The following ASAP1 variants were observed in gnomAD, a reference collection of about 807,000 sequenced individuals.
ASAP1 encodes arf-GAP with SH3 domain, ANK repeat and PH domain-containing protein 1.
Under a neutral mutation model 145.2 loss-of-function variants are expected in ASAP1, and 43 were observed. That is an observed-to-expected ratio of 0.30 (90% CI 0.23 to 0.38). ASAP1 has a LOEUF of 0.38. Ranked by LOEUF, ASAP1 falls within the 10% of genes least tolerant of loss-of-function variation. The pLI, the probability that ASAP1 is intolerant of heterozygous loss-of-function variation, is 1.00. For synonymous variants in ASAP1, 546 were observed against 515.5 expected (o/e 1.06, Z -0.80); for missense variants, 1,018 against 1,355.3 (o/e 0.75, Z 3.91).
intron 7 of ASAP1, among the ~76,000 whole-genome samples, chr8:130,182,293 A>C (rs1270280374): frequency 6.6e-6 from 1 of 152,220 alleles, no homozygotes; most frequent in African/African-American, 2.4e-5. Flanking sequence ...AGAACAGATA[A>C]TCTCCCAAAG....
At chr8:130,173,794 C>T (rs927459943) in intron 9 of ASAP1, among the ~76,000 whole-genome samples, 4 of 150,510 alleles carry the variant, frequency 2.7e-5, no homozygotes, top group African/African-American at 7.3e-5. Flanking sequence ...ATAAAAAGGC[C>T]GGGTGTGGTG....
intron 28 of ASAP1, among the ~76,000 whole-genome samples, chr8:130,059,659 T>C (rs570802456): frequency 2.4e-4 from 36 of 152,316 alleles, no homozygotes; most frequent in African/African-American, 8.4e-4. Flanking sequence ...CTTCTGGATA[T>C]AGAGTAGGAA....
At chr8:130,438,258 G>A (rs1431675951) in intron 1 of ASAP1, among the ~76,000 whole-genome samples, 1 of 152,196 alleles carries the variant, frequency 6.6e-6, no homozygotes, top group African/African-American at 2.4e-5. Context: ...TGGCTACACA[G>A]CACATCATGG....
intron 26 of ASAP1, among the ~76,000 whole-genome samples, chr8:130,079,424 A>G (rs1378618644): frequency 6.8e-6 from 1 of 147,592 alleles, no homozygotes; most frequent in Non-Finnish European, 1.5e-5. Flanking sequence ...AGCCTAGCCT[A>G]AAAAAAAAAA....
At position 130,138,470 on chromosome 8, in the gene ASAP1, C is replaced by T. The variant is rs1229443670; in HGVS notation, c.1081-1432G>A. Among the ~76,000 whole-genome samples, 5 of 152,264 alleles carry T rather than the reference C, an allele frequency of 3.3e-5. No individual in the cohort carries two copies. The East Asian group carries it at 7.7e-4, about 23-fold the overall frequency. ...AGAGGAAACAGTGCTTGGGAAGATTCCTGTACTCCAGAACTTGTCACCAAA... is the reference window on the plus strand; with the variant it reads ...AGAGGAAACAGTGCTTGGGAAGATTTCTGTACTCCAGAACTTGTCACCAAA... On this transcript the variant is annotated intron_variant, in intron 13 of 29. Transcript: ENST00000518721.
intron 15 of ASAP1, among the ~76,000 whole-genome samples, chr8:130,133,409 C>T (rs2097586261): frequency 6.6e-6 from 1 of 151,914 alleles, no homozygotes; most frequent in Non-Finnish European, 1.5e-5. Context: ...GTAATCCCAG[C>T]ACTTTGGGAG....
intron 1 of ASAP1, among the ~76,000 whole-genome samples, chr8:130,437,207 C>T (rs56350423): frequency 0.035 from 5,278 of 152,316 alleles, 125 homozygotes; most frequent in Middle Eastern, 0.082. Context: ...TGACTCAGCC[C>T]CCTTGTTCAG....
chr8:130,178,862 C>A (rs1586528145), intron 9 of ASAP1, among the ~76,000 whole-genome samples: 3 of 151,624 alleles, frequency 2.0e-5, no homozygotes, highest in African/African-American at 7.3e-5. Flanking sequence ...GCACTCCAGC[C>A]AGGCAACAGA....
intron 4 of ASAP1, among the ~76,000 whole-genome samples, chr8:130,216,707 A>G (rs532900771): frequency 6.6e-6 from 1 of 152,260 alleles, no homozygotes; most frequent in East Asian, 1.9e-4. Context: ...TAACTCCTAA[A>G]TTGATATCCC....
chr8:130,258,870 T>C (rs1819726058), intron 3 of ASAP1, among the ~76,000 whole-genome samples: 1 of 152,194 alleles, frequency 6.6e-6, no homozygotes, highest in South Asian at 2.1e-4. Context: ...AAACTGGAAA[T>C]GTCCTTGTTT....
chr8:130,412,621 T>C (rs1829314789), intron 1 of ASAP1, among the ~76,000 whole-genome samples: 2 of 151,974 alleles, frequency 1.3e-5, no homozygotes, highest in African/African-American at 4.8e-5. Flanking sequence ...CTAATACGAG[T>C]CTAGCAGAAT....
chr8:130,416,203 C>T (rs983828288), intron 1 of ASAP1, among the ~76,000 whole-genome samples: 3 of 152,098 alleles, frequency 2.0e-5, no homozygotes, highest in African/African-American at 4.8e-5. Flanking sequence ...GAGGACAAGC[C>T]GCTGATTTCA....
chr8:130,072,368 A>C (rs574071387), intron 27 of ASAP1, among the ~76,000 whole-genome samples: 1 of 152,248 alleles, frequency 6.6e-6, no homozygotes, highest in East Asian at 1.9e-4. Context: ...CATGGTAGTG[A>C]ATAAGTCTCA....
At chr8:130,149,054 C>T (rs2097640134) in intron 13 of ASAP1, among the ~76,000 whole-genome samples, 1 of 144,792 alleles carries the variant, frequency 6.9e-6, no homozygotes, top group South Asian at 2.3e-4. Flanking sequence ...CTCCATGTTG[C>T]CCAGGCTGGT....
intron 3 of ASAP1, among the ~76,000 whole-genome samples, chr8:130,305,929 T>C (rs1822966144): frequency 1.3e-5 from 2 of 152,160 alleles, no homozygotes; most frequent in African/African-American, 4.8e-5. Context: ...AGGTTAGATC[T>C]CCTTACTCCT....
intron 3 of ASAP1, among the ~76,000 whole-genome samples, chr8:130,248,734 C>A (rs1042310820): frequency 1.3e-5 from 2 of 152,008 alleles, no homozygotes; most frequent in African/African-American, 4.8e-5. Context: ...TGGTTCAATC[C>A]ACTTCCTCCT....
At chr8:130,270,466 C>T (rs1219341914) in intron 3 of ASAP1, among the ~76,000 whole-genome samples, 2 of 152,160 alleles carry the variant, frequency 1.3e-5, no homozygotes, top group East Asian at 3.8e-4. Flanking sequence ...GAAATAACTT[C>T]CCTCATTTAA....
intron 3 of ASAP1, among the ~76,000 whole-genome samples, chr8:130,251,540 C>T (rs1482907830): frequency 1.3e-5 from 2 of 152,082 alleles, no homozygotes; most frequent in Non-Finnish European, 2.9e-5. Flanking sequence ...ATGTCAACAA[C>T]AGATACTATC....
At chr8:130,258,157 C>A (rs1168352248) in intron 3 of ASAP1, among the ~76,000 whole-genome samples, 1 of 152,196 alleles carries the variant, frequency 6.6e-6, no homozygotes, top group African/African-American at 2.4e-5. Flanking sequence ...TGCCACTGAA[C>A]CAGTTTGCTG....
Sources: gnomAD v4.1 joint callset for allele counts (sites outside exome capture counted in the v4.1 genomes callset) on GRCh38, gnomAD v4.1.1 for gene constraint, MANE v1.5 for transcripts, NCBI Gene and HGNC (gene_info 2026-07-23, HGNC 2026-07-21) for gene names.